Variants in PAPPA observed in about 807,000 individuals in gnomAD.
PAPPA encodes pappalysin 1, also known as pappalysin-1.
PAPPA carries 60 observed loss-of-function variants against 164.0 expected under a neutral mutation model. That is an observed-to-expected ratio of 0.37 (90% CI 0.30 to 0.45). The LOEUF (loss-of-function observed/expected upper bound fraction) is 0.45, where lower values mean the gene tolerates loss of function less well. Among genes scored for constraint, PAPPA ranks in the 20% least tolerant of loss-of-function variants. The probability of loss-of-function intolerance (pLI) is 1.00; values close to 1 mark genes in which losing one functional copy is unlikely to be tolerated. For missense variants in PAPPA, 1,782 were observed against 2,087.3 expected (o/e 0.85, Z 2.85); for synonymous variants, 875 against 814.1 (o/e 1.07, Z -1.27).
At chr9:116,388,239 G>A (rs1167979298) in intron 21 of PAPPA, among the ~76,000 whole-genome samples, 1 of 152,082 alleles carries the variant, frequency 6.6e-6, no homozygotes, top group East Asian at 1.9e-4. Flanking sequence ...GACAGGAAGG[G>A]GCAGGACTCA....
intron 14 of PAPPA, among the ~76,000 whole-genome samples, chr9:116,345,188 G>A (rs570315581): frequency 5.9e-5 from 9 of 152,144 alleles, no homozygotes; most frequent in Non-Finnish European, 1.2e-4. Flanking sequence ...TTCTTCTGAA[G>A]GAGCTTAGTG....
At chr9:116,379,427 G>T (rs925995944) in intron 20 of PAPPA, among the ~76,000 whole-genome samples, 2 of 152,156 alleles carry the variant, frequency 1.3e-5, no homozygotes, top group Admixed American at 1.3e-4. Context: ...AAGCTTCACT[G>T]AGAACCTCTT....
At chr9:116,156,301 T>C (rs942061198) in intron 1 of PAPPA, among the ~76,000 whole-genome samples, 11 of 140,804 alleles carry the variant, frequency 7.8e-5, no homozygotes, top group East Asian at 2.0e-4. Flanking sequence ...TATATATATA[T>C]ACATGTATAT....
At chr9:116,182,911 C>T (rs1364759531) in intron 1 of PAPPA, among the ~76,000 whole-genome samples, 1 of 152,148 alleles carries the variant, frequency 6.6e-6, no homozygotes, top group Non-Finnish European at 1.5e-5. Context: ...TGCCCAGACA[C>T]ACTACTTTAA....
chr9:116,225,317 TTGAGTA>T (rs1286880786), intron 5 of PAPPA, among the ~76,000 whole-genome samples: 1 of 152,206 alleles, frequency 6.6e-6, no homozygotes, highest in Non-Finnish European at 1.5e-5. Flanking sequence ...TTTTCTGCAT[TTGAGTA>T]TATTTGTATA....
In PAPPA at chr9:116,368,695, A is replaced by G. The variant is rs1821925416; in HGVS notation, c.4605+941A>G. ...CTCTTCACCCTGGAGAAACCGAAAG[A>G]AGGAGGCCGGGGTTGCGGGGTGGGC... On this transcript the variant is annotated intron_variant, in intron 19 of 21. Coordinates refer to ENST00000328252, the MANE Select transcript of PAPPA (RefSeq NM_002581.5). Among the ~76,000 whole-genome samples the G allele has an allele frequency of 3.9e-5, 6 of 152,140 alleles. No homozygotes were observed. The South Asian group carries it at 6.2e-4, about 16-fold the overall frequency.
In PAPPA at chr9:116,391,964, C is replaced by T. The variant is rs141625331; in HGVS notation, c.4777-4545C>T. On this transcript the variant is annotated intron_variant, in intron 21 of 21. Coordinates refer to ENST00000328252, the MANE Select transcript of PAPPA (RefSeq NM_002581.5). ...TCTTCTCTCCATGCCTCAGTTTCTT[C>T]GTCTGTGAAGAGAGGACCCTGACTC... Among the ~76,000 whole-genome samples the T allele has an allele frequency of 2.2e-4, 33 of 152,270 alleles. No homozygotes were observed. The East Asian group carries it at 6.0e-3, about 28-fold the overall frequency.
chr9:116,302,860 C>A lies in PAPPA; in HGVS notation c.3057C>A (p.Phe1019Leu), dbSNP rs775538278. The change falls in exon 10 of 22, where the codon TTC (phenylalanine) becomes TTA (leucine). Residue 1019 changes from phenylalanine to leucine, a missense_variant. Phe to Leu is a conservative substitution (Grantham distance 22, BLOSUM62 0). Coordinates refer to ENST00000328252, the MANE Select transcript of PAPPA (RefSeq NM_002581.5). The part of the protein sequence containing the change: ...KDCGVYTPQG[F>L]LDQWASNASV... Reference sequence around the variant, plus strand: ...GTGGTGTCTACACGCCCCAGGGATTCCTGGATCAGTGGGCATCCAATGCTT... The same window carrying A: ...GTGGTGTCTACACGCCCCAGGGATTACTGGATCAGTGGGCATCCAATGCTT... 1.2e-6 allele frequency: 2 copies of A among 1,614,070 alleles called. No individual in the cohort carries two copies. The highest frequency in any genetic ancestry group is 1.7e-6 in the Non-Finnish European group (2 of 1,179,958).
chr9:116,362,500 G>A (rs1188502831), intron 17 of PAPPA, 92 bp from the exon 18 acceptor site: 1 of 1,364,164 alleles, frequency 7.3e-7, no homozygotes, highest in African/African-American at 1.5e-5. Context: ...GCTCTGGAGA[G>A]ATGAAAAATT....
intron 13 of PAPPA, among the ~76,000 whole-genome samples, chr9:116,341,488 A>T (rs1251196555): frequency 2.6e-5 from 4 of 152,220 alleles, no homozygotes; most frequent in Non-Finnish European, 5.9e-5. Context: ...TTACCCAGGT[A>T]GTAGTTTAGA....
intron 8 of PAPPA, among the ~76,000 whole-genome samples, chr9:116,266,633 C>T (rs888771420): frequency 8.6e-5 from 13 of 152,042 alleles, no homozygotes; most frequent in African/African-American, 2.9e-4. Context: ...ATTATCAACC[C>T]ATTCATCTTC....
chr9:116,257,713 A>C (rs1273616716), intron 7 of PAPPA, among the ~76,000 whole-genome samples: 3 of 152,018 alleles, frequency 2.0e-5, no homozygotes, highest in African/African-American at 2.4e-5. Context: ...AAAAACAAAA[A>C]AAGTCTGAGG....
At chr9:116,169,117 C>T (rs1843746265) in intron 1 of PAPPA, among the ~76,000 whole-genome samples, 1 of 152,062 alleles carries the variant, frequency 6.6e-6, no homozygotes, top group South Asian at 2.1e-4. Context: ...TGAAGGCAGA[C>T]ACATTGTGAG....
intron 21 of PAPPA, among the ~76,000 whole-genome samples, chr9:116,395,187 T>C (rs1846946779): frequency 6.6e-6 from 1 of 152,156 alleles, no homozygotes; most frequent in Admixed American, 6.5e-5. Context: ...CAAGGTCACA[T>C]CTCAAGTAGA....
Position 116,187,270 on chromosome 9 carries a change from C to T in PAPPA, c.532C>T (p.Arg178Ter). The T allele has an allele frequency of 1.9e-6, 3 of 1,614,098 alleles. No individual in the cohort carries two copies. Among genetic ancestry groups the T allele is most frequent in the Non-Finnish European group, 1.7e-6 (2 of 1,180,030 alleles). ...CTACTTTTTCTCCTTGAAGACAGACCGAGCCCGGCAAGTGACCACCATCAA... is the reference window on the plus strand; with the variant it reads ...CTACTTTTTCTCCTTGAAGACAGACTGAGCCCGGCAAGTGACCACCATCAA... ...PRYFFSLKTD[R>*]ARQVTTINAH... Residue 178 changes from arginine to a stop codon, truncating the protein, a stop_gained, in exon 2 of 22, where the codon CGA becomes TGA. Transcript: ENST00000328252. LOFTEE classifies it high-confidence loss of function. The surrounding 1 kb of genome is among the most constrained non-coding windows in gnomAD (Gnocchi z 4.2).
intron 9 of PAPPA, among the ~76,000 whole-genome samples, chr9:116,277,103 TG>T: frequency 6.6e-6 from 1 of 152,336 alleles, no homozygotes; most frequent in East Asian, 1.9e-4. Flanking sequence ...TGGGCTCTGC[TG>T]GGAGTTGCAT....
At chr9:116,197,243 A>T (rs1270696183) in intron 2 of PAPPA, among the ~76,000 whole-genome samples, 2 of 152,200 alleles carry the variant, frequency 1.3e-5, no homozygotes, top group Non-Finnish European at 2.9e-5. Flanking sequence ...GAACTAGAGT[A>T]CAGAGGATGG....
intron 4 of PAPPA, among the ~76,000 whole-genome samples, chr9:116,216,992 G>T (rs946457648): frequency 6.6e-6 from 1 of 151,996 alleles, no homozygotes; most frequent in African/African-American, 2.4e-5. Context: ...CGCCCACCTT[G>T]GCCTCCCAAA....
intron 18 of PAPPA, 99 bp from the exon 19 acceptor site, chr9:116,367,546 C>T (rs57480127): frequency 0.018 from 14,508 of 828,258 alleles, 760 homozygotes; most frequent in African/African-American, 0.13. Flanking sequence ...CTGAGTCCAC[C>T]AGGGACCAGG....
Sources: gnomAD v4.1 joint callset for allele counts (sites outside exome capture counted in the v4.1 genomes callset) on GRCh38, gnomAD v4.1.1 for gene constraint, Gnocchi (gnomAD v3.1) non-coding constraint, MANE v1.5 for transcripts, NCBI Gene and HGNC (gene_info 2026-07-23, HGNC 2026-07-21) for gene names.